TRDMT1: variants seen among roughly 807,000 people sequenced by gnomAD.
The protein encoded by TRDMT1 is tRNA aspartic acid methyltransferase 1.
A neutral mutation model predicts 51.2 loss-of-function variants in TRDMT1; 49 were observed. The ratio of observed to expected loss-of-function variants is 0.96; its 90% confidence interval spans 0.76 to 1.21. TRDMT1 has a LOEUF of 1.21. Among genes scored for constraint, TRDMT1 ranks in the 50% most tolerant of loss-of-function variants. The pLI, the probability that TRDMT1 is intolerant of heterozygous loss-of-function variation, is 0.00. For synonymous variants in TRDMT1, 187 were observed against 164.6 expected (o/e 1.14, Z -1.04); for missense variants, 534 against 462.3 (o/e 1.16, Z -1.42).
Position 17,159,229 on chromosome 10 carries a change from G to T in TRDMT1, c.460C>A (p.Leu154Ile), listed in dbSNP as rs370715356. ...CGTAGCCTTGAATTTGGAATGCCAA[G>T]CTGTAAGCAAAGCAAAGCAGTTAGT... ...YQEFLLSPTS[L>I]GIPNSRLRYF... Residue 154 changes from leucine to isoleucine, a missense_variant and splice_region_variant, in exon 7 of 11, where the codon CTT becomes ATT. Coordinates refer to ENST00000377799, the MANE Select transcript of TRDMT1 (RefSeq NM_004412.7). 1.8e-5 allele frequency: 28 copies of T among 1,597,930 alleles called. No individual in the cohort carries two copies. The African/African-American group carries it at 3.6e-4, about 21-fold the overall frequency.
chr10:17,176,669 C>T (rs1035146164), intron 1 of TRDMT1, among the ~76,000 whole-genome samples: 13 of 152,162 alleles, frequency 8.5e-5, no homozygotes, highest in Admixed American at 2.6e-4. Context: ...ACTAATTCAA[C>T]TTGCCTTCTC....
At position 17,144,413 on chromosome 10, in the gene TRDMT1, C is replaced by G. The variant is rs147487270; in HGVS notation, c.*4627G>C. 1.0e-6 allele frequency: 1 copy of G among 985,406 alleles called. No individual in the cohort carries two copies. Among genetic ancestry groups the G allele is most frequent in the Admixed American group, 6.1e-5 (1 of 16,266 alleles). 61.0% of individuals were successfully genotyped at this position (985,406 alleles called of 1,614,324 possible). ...TTCAGAAAAGAGTTCTATGGGAGAA[C>G]TCAGTTCCTATCTTGTAATTTTTGT... On this transcript the variant is annotated 3_prime_UTR_variant, in exon 11 of 11. Transcript: ENST00000377799.
rs1839100136 is a variant in TRDMT1 at position 17,153,708 on chromosome 10, G to C, written c.946-72C>G. ...ATTTAAGATCTCCTGCTGTGAGATA[G>C]TTGAAACTCGATGGACATACAGTCT... On this transcript the variant is annotated intron_variant, in intron 9 of 10. Coordinates refer to ENST00000377799, the MANE Select transcript of TRDMT1 (RefSeq NM_004412.7). 5 of 1,445,020 alleles carry C rather than the reference G, an allele frequency of 3.5e-6. No individual in the cohort carries two copies. The South Asian group carries it at 5.7e-5, about 16-fold the overall frequency. 89.5% of individuals were successfully genotyped at this position (1,445,020 alleles called of 1,614,324 possible). A position where few individuals can be genotyped will look rare whatever the true frequency, so the allele number is the denominator to read the frequency against.
chr10:17,194,415 A>G (rs1406870239), intron 1 of TRDMT1, among the ~76,000 whole-genome samples: 2 of 152,196 alleles, frequency 1.3e-5, no homozygotes, highest in Non-Finnish European at 2.9e-5. Context: ...GCATCTGGGA[A>G]AGGTCTAGTA....
chr10:17,160,437 T>C, intron 5 of TRDMT1, 63 bp from the exon 6 acceptor site: 2 of 1,144,146 alleles, frequency 1.7e-6, no homozygotes, highest in Non-Finnish European at 2.4e-6. Flanking sequence ...TTAAATAATG[T>C]ACACAAAAGC....
rs879102074 is a variant in TRDMT1 at position 17,146,459 on chromosome 10, C to T, written c.*2581G>A. 39 of 985,366 alleles carry T rather than the reference C, an allele frequency of 4.0e-5. No homozygotes were observed. The South Asian group carries it at 8.0e-4, about 20-fold the overall frequency. The allele number at this position is 985,366 out of a possible 1,614,324, so 61.0% of individuals were successfully genotyped here. ...CTCCTACAATGACTACCCACCTCTT[C>T]GAAATCATTTTCCAACTATGACTCA... On this transcript the variant is annotated 3_prime_UTR_variant, in exon 11 of 11. Transcript: ENST00000377799.
intron 10 of TRDMT1, chr10:17,150,583 A>T (rs1222487733): frequency 8.1e-6 from 8 of 985,196 alleles, no homozygotes; most frequent in Non-Finnish European, 9.6e-6. Context: ...TTCCACATTC[A>T]GCATACTCTA....
intron 2 of TRDMT1, among the ~76,000 whole-genome samples, chr10:17,170,314 G>A (rs1841790043): frequency 6.6e-6 from 1 of 152,106 alleles, no homozygotes; most frequent in South Asian, 2.1e-4. Flanking sequence ...CAATGAAAGT[G>A]TATTTGGATT....
At position 17,201,639 on chromosome 10, in the gene TRDMT1, G is replaced by A. The variant is rs11254458; in HGVS notation, c.-5C>T. On this transcript the variant is annotated 5_prime_UTR_variant, in exon 1 of 11. Coordinates refer to ENST00000377799, the MANE Select transcript of TRDMT1 (RefSeq NM_004412.7). ...CAGCACCCGCAGGGGCTCCATCCCC[G>A]CGCCTCAGCCGCCGCAGCCCCGGAG... The A allele has an allele frequency of 7.1e-6, 11 of 1,541,272 alleles. No individual in the cohort carries two copies. Among genetic ancestry groups the A allele is most frequent in the Non-Finnish European group, 9.6e-6 (11 of 1,143,948 alleles).
In TRDMT1 at chr10:17,147,186, G is replaced by T; in HGVS notation, c.*1854C>A. ...ATTTTATTTAGAATATTTCAGCAGT[G>T]AACAGAACCTACATGAAAGTGTGCC... On this transcript the variant is annotated 3_prime_UTR_variant, in exon 11 of 11. Transcript: ENST00000377799. 6 of 985,790 alleles carry T rather than the reference G, an allele frequency of 6.1e-6. No homozygotes were observed. Among genetic ancestry groups the T allele is most frequent in the Non-Finnish European group, 7.2e-6 (6 of 829,904 alleles). The allele number at this position is 985,790 out of a possible 1,614,324, so 61.1% of individuals were successfully genotyped here.
chr10:17,177,826 T>G (rs1317733500), intron 1 of TRDMT1, among the ~76,000 whole-genome samples: 2 of 152,016 alleles, frequency 1.3e-5, no homozygotes, highest in East Asian at 3.9e-4. Context: ...AACTTTTTGT[T>G]GGTAGTAGTG....
In TRDMT1 at chr10:17,137,648, GAAACCCTGTCTCTACT is replaced by G. The variant is rs1564530250; in HGVS notation, c.*11376_*11391del. ...GGAATTTGAGACCAGCCAAAATGGT[GAAACCCTGTCTCTACT>G]AAAAATACAAAAAAATTAGCCGGGC... On this transcript the variant is annotated 3_prime_UTR_variant, in exon 11 of 11. Transcript: ENST00000377799. The G allele has an allele frequency of 1.3e-5, 2 of 152,162 alleles. No homozygotes were observed. The highest frequency in any genetic ancestry group is 3.9e-4 in the East Asian group (2 of 5,174). 9.4% of individuals were successfully genotyped at this position (152,162 alleles called of 1,614,324 possible).
Position 17,201,447 on chromosome 10 carries a change from GC to G in TRDMT1, c.64+123del, listed in dbSNP as rs374466577. 4.7e-6 allele frequency: 5 copies of G among 1,061,438 alleles called. No individual in the cohort carries two copies. The African/African-American group carries it at 6.7e-5, about 14-fold the overall frequency. The allele number at this position is 1,061,438 out of a possible 1,614,324, so 65.8% of individuals were successfully genotyped here. On this transcript the variant is annotated intron_variant, in intron 1 of 10. Coordinates refer to ENST00000377799, the MANE Select transcript of TRDMT1 (RefSeq NM_004412.7). ...GCTGTTTCCAGGACAACCGAGGGCC[GC>G]CCCACAGTGTCCGCCCCACAGTGTC...
At chr10:17,195,981 A>T (rs1347841383) in intron 1 of TRDMT1, among the ~76,000 whole-genome samples, 1 of 152,220 alleles carries the variant, frequency 6.6e-6, no homozygotes, top group Admixed American at 6.5e-5. Context: ...CTAACAACTG[A>T]TGCTATAAAA....
chr10:17,149,219 G>C, intron 10 of TRDMT1, 79 bp from the exon 11 acceptor site: 1 of 1,076,608 alleles, frequency 9.3e-7, no homozygotes, highest in Non-Finnish European at 1.4e-6. Flanking sequence ...CCTTTAGTAA[G>C]GGCACAGCGG....
chr10:17,173,867 C>T (rs1267945381), intron 2 of TRDMT1, among the ~76,000 whole-genome samples: 5 of 150,148 alleles, frequency 3.3e-5, no homozygotes, highest in Non-Finnish European at 5.9e-5. Flanking sequence ...TGGGTTCAAG[C>T]GATTCTCCTG....
chr10:17,163,795 C>A (rs1322608287), intron 3 of TRDMT1, among the ~76,000 whole-genome samples: 2 of 152,144 alleles, frequency 1.3e-5, no homozygotes, highest in Non-Finnish European at 1.5e-5. Flanking sequence ...TCGACACATA[C>A]ACCCTCCCAA....
At chr10:17,157,155 C>T (rs1002326520) in intron 8 of TRDMT1, among the ~76,000 whole-genome samples, 2 of 152,116 alleles carry the variant, frequency 1.3e-5, no homozygotes, top group Non-Finnish European at 2.9e-5. Flanking sequence ...TAATAGTCTA[C>T]AGAAACCATG....
chr10:17,176,076 T>C (rs982219717), intron 1 of TRDMT1, among the ~76,000 whole-genome samples: 1 of 152,174 alleles, frequency 6.6e-6, no homozygotes, highest in African/African-American at 2.4e-5. Context: ...TCTTGAAACA[T>C]AAATCAAGAA....
Sources: gnomAD v4.1 joint callset for allele counts (sites outside exome capture counted in the v4.1 genomes callset) on GRCh38, gnomAD v4.1.1 for gene constraint, MANE v1.5 for transcripts, NCBI Gene and HGNC (gene_info 2026-07-23, HGNC 2026-07-21) for gene names.